Variants in FNIP2 observed in about 807,000 individuals in gnomAD.
FNIP2 encodes folliculin interacting protein 2.
A neutral mutation model predicts 108.7 loss-of-function variants in FNIP2; 32 were observed. The observed-to-expected ratio is 0.29, with a 90% confidence interval of 0.22 to 0.40. The LOEUF is 0.40. Among genes scored for constraint, FNIP2 ranks in the 10% least tolerant of loss-of-function variants. The pLI is 1.00. For missense variants in FNIP2, 1,202 were observed against 1,381.6 expected (o/e 0.87, Z 2.06); for synonymous variants, 480 against 496.7 (o/e 0.97, Z 0.45).
chr4:158,797,380 G>A (rs572498676), intron 1 of FNIP2, among the ~76,000 whole-genome samples: 3 of 152,128 alleles, frequency 2.0e-5, no homozygotes, highest in Non-Finnish European at 2.9e-5. Context: ...ATACCAGTAC[G>A]AAGGCTATTA....
Position 158,872,992 on chromosome 4 carries a change from G to A in FNIP2, c.2949+2523G>A, listed in dbSNP as rs559765177. Among the ~76,000 whole-genome samples the A allele has an allele frequency of 8.5e-5, 13 of 152,134 alleles. 1 individual carries two copies. Among genetic ancestry groups the A allele is most frequent in the African/African-American group, 3.1e-4 (13 of 41,532 alleles). Reference sequence around the variant, plus strand: ...TGTAATAAATTGCTTTATCAAACTTGCTTTCAAAACCTGTTTTTTAAGTTG... The same window carrying A: ...TGTAATAAATTGCTTTATCAAACTTACTTTCAAAACCTGTTTTTTAAGTTG... On this transcript the variant is annotated intron_variant, in intron 14 of 16. Coordinates refer to ENST00000264433, the MANE Select transcript of FNIP2 (RefSeq NM_020840.3).
intron 1 of FNIP2, among the ~76,000 whole-genome samples, chr4:158,773,040 A>G (rs1043507527): frequency 6.6e-5 from 10 of 152,168 alleles, no homozygotes; most frequent in African/African-American, 2.4e-4. Context: ...GCTCCCACTA[A>G]TAAGTCTCCA....
Position 158,833,522 on chromosome 4 carries a change from A to G in FNIP2, c.555-6A>G, listed in dbSNP as rs1487499251. ...TTCTCCTTTTCCCCCCCATCTCCGG[A>G]TATAGCTTGCAAGACAGCTTTGAGT... is the stretch of plus-strand genomic sequence containing the variant. On this transcript the variant is annotated splice_polypyrimidine_tract_variant and splice_region_variant and intron_variant, in intron 5 of 16. Coordinates refer to ENST00000264433, the MANE Select transcript of FNIP2 (RefSeq NM_020840.3). 1 of 1,572,418 alleles carries G rather than the reference A, an allele frequency of 6.4e-7. No individual in the cohort carries two copies. The highest frequency in any genetic ancestry group is 1.4e-5 in the African/African-American group (1 of 72,798).
intron 8 of FNIP2, among the ~76,000 whole-genome samples, chr4:158,858,401 C>T (rs1780106483): frequency 6.6e-6 from 1 of 152,120 alleles, no homozygotes; most frequent in Non-Finnish European, 1.5e-5. Flanking sequence ...GAGGCTTACC[C>T]CACAAGACAA....
Position 158,793,228 on chromosome 4 carries a change from C to T in FNIP2, c.107+23909C>T, listed in dbSNP as rs538964497. ...ACAATTGGAATGTGCCTACAAGGTG[C>T]AGCTGTCTGTGCAAATTTCCAGAAA... On this transcript the variant is annotated intron_variant, in intron 1 of 16. Transcript: ENST00000264433. Among the ~76,000 whole-genome samples, 17 of 152,310 alleles carry T rather than the reference C, an allele frequency of 1.1e-4. No individual in the cohort carries two copies. In the South Asian group the frequency reaches 3.5e-3, roughly 32 times the overall value.
At chr4:158,820,710 TA>T (rs5863335) in intron 1 of FNIP2, among the ~76,000 whole-genome samples, 152,217 of 152,340 alleles carry the variant, frequency 1, 76,048 homozygotes, top group Middle Eastern at 1. Flanking sequence ...CACCCAGTGA[TA>T]ACTGTCTTTT....
intron 7 of FNIP2, among the ~76,000 whole-genome samples, chr4:158,848,321 G>A (rs866029811): frequency 4.6e-5 from 7 of 152,310 alleles, no homozygotes; most frequent in Middle Eastern, 3.4e-3. Context: ...TTGGGACAAA[G>A]TAAAGGAAGA....
In FNIP2 at chr4:158,895,997, G is replaced by A. The variant is rs192618522; in HGVS notation, c.3266+132G>A. The A allele has an allele frequency of 1.0e-3, 639 of 637,504 alleles. 3 individuals are homozygous for A. The highest frequency in any genetic ancestry group is 1.5e-3 in the Non-Finnish European group (545 of 352,876). 39.5% of individuals were successfully genotyped at this position (637,504 alleles called of 1,614,324 possible). On this transcript the variant is annotated intron_variant, in intron 16 of 16. Coordinates refer to ENST00000264433, the MANE Select transcript of FNIP2 (RefSeq NM_020840.3). ...CCATCAAAGTATGTGGAGTCCATCA[G>A]ATACGTGCCTCTGCAACTCCCCAAT...
intron 1 of FNIP2, among the ~76,000 whole-genome samples, chr4:158,773,128 C>T (rs1775751155): frequency 6.6e-6 from 1 of 152,176 alleles, no homozygotes; most frequent in Admixed American, 6.5e-5. Flanking sequence ...TGTTCTAGTA[C>T]ACTCAACATT....
chr4:158,851,305 C>T lies in FNIP2; in HGVS notation c.728-16C>T, dbSNP rs768989224. The T allele has an allele frequency of 3.9e-5, 63 of 1,613,250 alleles. 2 individuals are homozygous for T. The South Asian group carries it at 6.8e-4, about 17-fold the overall frequency. On this transcript the variant is annotated splice_polypyrimidine_tract_variant and intron_variant, in intron 7 of 16. Transcript: ENST00000264433. Reference sequence around the variant, plus strand: ...CTAATTGACCTCAACTTTCAAATTCCAAATTCTTCCTACAGCCTCACTAAG... The same window carrying T: ...CTAATTGACCTCAACTTTCAAATTCTAAATTCTTCCTACAGCCTCACTAAG...
intron 8 of FNIP2, among the ~76,000 whole-genome samples, chr4:158,855,953 G>T (rs1009336183): frequency 3.3e-5 from 5 of 152,276 alleles, no homozygotes; most frequent in Middle Eastern, 3.4e-3. Context: ...CACAGTTTCT[G>T]TTTTTTGTTA....
chr4:158,846,414 TC>T (rs1779408302), intron 7 of FNIP2, among the ~76,000 whole-genome samples: 1 of 152,188 alleles, frequency 6.6e-6, no homozygotes. Context: ...TACTTTATTG[TC>T]CCCGTTTTAC....
chr4:158,860,247 A>G (rs1310096290), intron 10 of FNIP2, among the ~76,000 whole-genome samples: 2 of 152,188 alleles, frequency 1.3e-5, no homozygotes, highest in Admixed American at 6.5e-5. Context: ...CTTTCTTGAT[A>G]GGGAATGGAA....
At chr4:158,805,832 A>G (rs1776928636) in intron 1 of FNIP2, among the ~76,000 whole-genome samples, 1 of 152,240 alleles carries the variant, frequency 6.6e-6, no homozygotes. Flanking sequence ...ATCTCCAGCT[A>G]GGGTGCACAG....
chr4:158,893,646 T>C (rs932609974), intron 15 of FNIP2: 5 of 1,484,160 alleles, frequency 3.4e-6, no homozygotes, highest in East Asian at 2.3e-5. Flanking sequence ...TTTTTTGTTA[T>C]ACAGTAGTAG....
intron 14 of FNIP2, among the ~76,000 whole-genome samples, chr4:158,878,157 A>G (rs1263139565): frequency 6.6e-6 from 1 of 152,194 alleles, no homozygotes. Flanking sequence ...ATGGAAATCT[A>G]AACCAAAGCA....
Position 158,829,063 on chromosome 4 carries a change from G to C in FNIP2, c.235-16G>C. 1 of 1,577,624 alleles carries C rather than the reference G, an allele frequency of 6.3e-7. No individual in the cohort carries two copies. The highest frequency in any genetic ancestry group is 8.6e-7 in the Non-Finnish European group (1 of 1,159,204). ...TACTTAGTAATCTTTTACCTTGCCTGTCTCTCTTAACCTAGAAAACAGAGG... is the reference window on the plus strand; with the variant it reads ...TACTTAGTAATCTTTTACCTTGCCTCTCTCTCTTAACCTAGAAAACAGAGG... On this transcript the variant is annotated splice_polypyrimidine_tract_variant and intron_variant, in intron 2 of 16. Coordinates refer to ENST00000264433, the MANE Select transcript of FNIP2 (RefSeq NM_020840.3).
In FNIP2 at chr4:158,883,500, C is replaced by T. The variant is rs1781833985; in HGVS notation, c.2950-7946C>T. On this transcript the variant is annotated intron_variant, in intron 14 of 16. Transcript: ENST00000264433. ...TTGTGATCCGCCCACCTCAGCCTCCCAAAAGCCTGGGATTACAGGCGTGAG... is the reference window on the plus strand; with the variant it reads ...TTGTGATCCGCCCACCTCAGCCTCCTAAAAGCCTGGGATTACAGGCGTGAG... 2.0e-5 allele frequency among the ~76,000 whole-genome samples: 3 copies of T among 152,202 alleles called. No individual in the cohort carries two copies. The South Asian group carries it at 6.2e-4, about 32-fold the overall frequency.
chr4:158,819,795 A>T (rs931737070), intron 1 of FNIP2, among the ~76,000 whole-genome samples: 1 of 152,036 alleles, frequency 6.6e-6, no homozygotes, highest in Admixed American at 6.5e-5. Flanking sequence ...GTCTTCATTT[A>T]TTTTCAGGGT....
Sources: allele counts gnomAD v4.1 joint callset (sites outside exome capture counted in the v4.1 genomes callset), GRCh38; gene constraint gnomAD v4.1.1; transcripts MANE v1.5; gene names NCBI Gene and HGNC (gene_info 2026-07-23, HGNC 2026-07-21).